The following PAN3 variants were observed in gnomAD, a reference collection of about 807,000 sequenced individuals.
PAN3 encodes PAN2-PAN3 deadenylation complex subunit PAN3.
In PAN3, 19 loss-of-function variants were observed where a neutral mutation model predicts 96.2. That is an observed-to-expected ratio of 0.20 (90% CI 0.14 to 0.29). PAN3 has a LOEUF of 0.29. Among genes scored for constraint, PAN3 ranks in the 10% least tolerant of loss-of-function variants. The pLI, the probability that PAN3 is intolerant of heterozygous loss-of-function variation, is 1.00. For missense variants in PAN3, 882 were observed against 1,108.1 expected (o/e 0.80, Z 2.90); for synonymous variants, 433 against 406.6 (o/e 1.06, Z -0.78).
At chr13:28,142,042 T>C (rs1869921177) in intron 1 of PAN3, among the ~76,000 whole-genome samples, 1 of 152,212 alleles carries the variant, frequency 6.6e-6, no homozygotes, top group South Asian at 2.1e-4. Context: ...GATTCTGTGG[T>C]GTTTGCTTTA....
intron 6 of PAN3, among the ~76,000 whole-genome samples, chr13:28,239,193 GCA>G (rs1337990289): frequency 2.8e-5 from 2 of 71,642 alleles, no homozygotes; most frequent in African/African-American, 1.3e-4. Flanking sequence ...ACACACGCAT[GCA>G]CACACGCACA....
intron 6 of PAN3, among the ~76,000 whole-genome samples, chr13:28,251,531 T>G (rs1240910831): frequency 2.0e-5 from 3 of 152,194 alleles, no homozygotes; most frequent in Non-Finnish European, 2.9e-5. Context: ...CTTATACTTA[T>G]GCATGGAACA....
chr13:28,165,697 A>G (rs994496474), intron 1 of PAN3, among the ~76,000 whole-genome samples: 7 of 152,192 alleles, frequency 4.6e-5, no homozygotes, highest in South Asian at 2.1e-4. Flanking sequence ...GGTAATTTTT[A>G]TAGAACAGAA....
chr13:28,257,780 ATAT>A lies in PAN3; in HGVS notation c.1248+1242_1248+1244del, dbSNP rs1885331554. On this transcript the variant is annotated intron_variant, in intron 7 of 18. Coordinates refer to ENST00000380958, the MANE Select transcript of PAN3 (RefSeq NM_175854.8). ...ATTAATTATATATTATATATAAATT[ATAT>A]ATAATATATAATTAATATATAAAAT... Among the ~76,000 whole-genome samples, 28 of 138,530 alleles carry A rather than the reference ATAT, an allele frequency of 2.0e-4. No individual in the cohort carries two copies. In the Admixed American group the frequency reaches 2.2e-3, roughly 11 times the overall value. 90.9% of individuals were successfully genotyped at this position (138,530 alleles called of 152,430 possible).
At chr13:28,217,089 G>C (rs183684279) in intron 5 of PAN3, among the ~76,000 whole-genome samples, 175 of 151,296 alleles carry the variant, frequency 1.2e-3, no homozygotes, top group Middle Eastern at 3.4e-3. Flanking sequence ...ACTCCAGCCT[G>C]GGTGACAGAG....
intron 4 of PAN3, among the ~76,000 whole-genome samples, chr13:28,192,325 C>T (rs1566173475): frequency 6.6e-6 from 1 of 152,210 alleles, no homozygotes; most frequent in Non-Finnish European, 1.5e-5. Context: ...GCCTCAGCCT[C>T]CCAAAGTGCT....
At chr13:28,259,477 T>A (rs970489256) in intron 7 of PAN3, among the ~76,000 whole-genome samples, 4 of 151,814 alleles carry the variant, frequency 2.6e-5, no homozygotes, top group African/African-American at 9.7e-5. Context: ...GGCTAATTTT[T>A]TGTATTTTTA....
intron 6 of PAN3, among the ~76,000 whole-genome samples, chr13:28,230,014 C>G (rs1882376884): frequency 6.6e-6 from 1 of 151,938 alleles, no homozygotes; most frequent in East Asian, 1.9e-4. Context: ...TCCTCCTAAT[C>G]TGCTGAGAGC....
intron 6 of PAN3, among the ~76,000 whole-genome samples, chr13:28,239,154 C>G: frequency 7.0e-5 from 1 of 14,320 alleles, no homozygotes; most frequent in Non-Finnish European, 1.4e-4. Flanking sequence ...CCACCCCCCA[C>G]CCCCGCCAAC....
chr13:28,228,939 C>T (rs1435080369), intron 6 of PAN3, among the ~76,000 whole-genome samples: 2 of 152,124 alleles, frequency 1.3e-5, no homozygotes, highest in Non-Finnish European at 2.9e-5. Context: ...CACTCCAAGG[C>T]AGGTGTTCAG....
chr13:28,283,372 A>G (rs185367125), intron 17 of PAN3, among the ~76,000 whole-genome samples: 13 of 152,292 alleles, frequency 8.5e-5, no homozygotes, highest in Non-Finnish European at 1.3e-4. Flanking sequence ...TATTAATTAA[A>G]TTTTTTAAAT....
At chr13:28,230,318 GT>G (rs1882408416) in intron 6 of PAN3, among the ~76,000 whole-genome samples, 1 of 151,494 alleles carries the variant, frequency 6.6e-6, no homozygotes, top group African/African-American at 2.4e-5. Flanking sequence ...ATATAAATTA[GT>G]TACTATAACT....
intron 1 of PAN3, among the ~76,000 whole-genome samples, chr13:28,158,534 A>G (rs999303662): frequency 6.6e-6 from 1 of 152,238 alleles, no homozygotes; most frequent in African/African-American, 2.4e-5. Flanking sequence ...GGACATGAAC[A>G]GACGCTTTTC....
At chr13:28,214,911 G>A in intron 5 of PAN3, 1 of 1,125,756 alleles carries the variant, frequency 8.9e-7, no homozygotes, top group Non-Finnish European at 1.3e-6. Flanking sequence ...GAATGGGCAG[G>A]CTGGCGACCA....
Position 28,294,026 on chromosome 13 carries a change from C to G in PAN3, c.*1504C>G, listed in dbSNP as rs2138785716. 1 of 152,678 alleles carries G rather than the reference C, an allele frequency of 6.5e-6. No homozygotes were observed. The highest frequency in any genetic ancestry group is 1.9e-4 in the East Asian group (1 of 5,182). The allele number at this position is 152,678 out of a possible 1,614,324, so 9.5% of individuals were successfully genotyped here. A position where few individuals can be genotyped will look rare whatever the true frequency, so the allele number is the denominator to read the frequency against. On this transcript the variant is annotated 3_prime_UTR_variant, in exon 19 of 19. Transcript: ENST00000380958. ...TTTCAGAGAAGTTTTTAATATTTCT[C>G]TGTCCACTTTTTATAAGCTTTAAAA...
chr13:28,232,087 A>G (rs1281597519), intron 6 of PAN3, among the ~76,000 whole-genome samples: 1 of 152,128 alleles, frequency 6.6e-6, no homozygotes, highest in African/African-American at 2.4e-5. Context: ...AAAAGTGAAA[A>G]CCAGTTCTTG....
At chr13:28,236,049 G>C (rs542534673) in intron 6 of PAN3, among the ~76,000 whole-genome samples, 1 of 151,872 alleles carries the variant, frequency 6.6e-6, no homozygotes, top group Non-Finnish European at 1.5e-5. Context: ...AGTTTTATAC[G>C]TATTTATTTC....
At chr13:28,255,621 C>T (rs1885078166) in intron 6 of PAN3, among the ~76,000 whole-genome samples, 1 of 151,924 alleles carries the variant, frequency 6.6e-6, no homozygotes, top group South Asian at 2.1e-4. Context: ...TGGCCTAATT[C>T]TAAATAGTAT....
intron 1 of PAN3, among the ~76,000 whole-genome samples, chr13:28,164,858 A>G (rs1873334228): frequency 6.6e-6 from 1 of 152,204 alleles, no homozygotes; most frequent in Non-Finnish European, 1.5e-5. Context: ...GTAGGTTATA[A>G]TTGTGTACAT....
Sources: allele counts gnomAD v4.1 joint callset (sites outside exome capture counted in the v4.1 genomes callset), GRCh38; gene constraint gnomAD v4.1.1; transcripts MANE v1.5; gene names NCBI Gene and HGNC (gene_info 2026-07-23, HGNC 2026-07-21).